Variants in ADAMTSL1 observed in about 807,000 individuals in gnomAD.
The protein encoded by ADAMTSL1 is ADAMTS-like protein 1.
ADAMTSL1 carries 126 observed loss-of-function variants against 201.8 expected under a neutral mutation model. That is an observed-to-expected ratio of 0.62 (90% CI 0.54 to 0.72). ADAMTSL1 has a LOEUF of 0.72. Ranked by LOEUF, ADAMTSL1 falls within the 30% of genes least tolerant of loss-of-function variation. The probability of loss-of-function intolerance (pLI) is 0.00; values close to 1 mark genes in which losing one functional copy is unlikely to be tolerated. For missense variants in ADAMTSL1, 2,679 were observed against 2,277.8 expected, an observed-to-expected ratio of 1.18 and a Z score of -3.59; for synonymous variants, 1,121 against 903.4, an observed-to-expected ratio of 1.24 and a Z score of -4.32.
At chr9:18,009,882 C>T (rs1373779738) in intron 1 of ADAMTSL1, among the ~76,000 whole-genome samples, 1 of 151,976 alleles carries the variant, frequency 6.6e-6, no homozygotes, top group African/African-American at 2.4e-5. Context: ...CACAAACATG[C>T]CAATTTTCTT....
chr9:18,606,922 A>G (rs1277001021), intron 4 of ADAMTSL1, among the ~76,000 whole-genome samples: 1 of 152,178 alleles, frequency 6.6e-6, no homozygotes. Flanking sequence ...CAACTGAGAT[A>G]CAACCTCCAT....
intron 2 of ADAMTSL1, chr9:18,360,602 T>C (rs1359785945): frequency 1.3e-5 from 2 of 152,168 alleles, no homozygotes; most frequent in African/African-American, 4.8e-5. Context: ...GGGGAGGCTG[T>C]TACTGGTTAT....
chr9:18,168,660 C>T lies in ADAMTSL1; in HGVS notation c.207+4679C>T, dbSNP rs1028823075. On this transcript the variant is annotated intron_variant, in intron 2 of 29. Transcript: ENST00000680146. ...ATACCCAGTAATGGGATGGCTGGGTCAAATGGTATTTCTAGTTCTAGATCC... is the reference window on the plus strand; with the variant it reads ...ATACCCAGTAATGGGATGGCTGGGTTAAATGGTATTTCTAGTTCTAGATCC... Among the ~76,000 whole-genome samples the T allele has an allele frequency of 4.2e-4, 62 of 149,200 alleles. 1 individual carries two copies. Among genetic ancestry groups the T allele is most frequent in the Non-Finnish European group, 8.9e-5 (6 of 67,060 alleles).
chr9:18,841,034 C>G (rs926917515), intron 23 of ADAMTSL1, among the ~76,000 whole-genome samples: 1 of 145,714 alleles, frequency 6.9e-6, no homozygotes, highest in Admixed American at 6.9e-5. Flanking sequence ...TTATTTCCTT[C>G]TCCTGCCGAA....
chr9:18,084,098 C>G (rs1483332799), intron 1 of ADAMTSL1, among the ~76,000 whole-genome samples: 1 of 152,204 alleles, frequency 6.6e-6, no homozygotes, highest in East Asian at 1.9e-4. Flanking sequence ...CCCTACCTCC[C>G]AAACAAATTC....
intron 4 of ADAMTSL1, among the ~76,000 whole-genome samples, chr9:18,596,235 T>G (rs894610108): frequency 6.6e-6 from 1 of 152,192 alleles, no homozygotes; most frequent in Non-Finnish European, 1.5e-5. Flanking sequence ...TGTTATACCA[T>G]CATGTCTTTA....
At position 18,776,961 on chromosome 9, in the gene ADAMTSL1, G is replaced by T; in HGVS notation, c.2732G>T (p.Trp911Leu). 1 of 1,598,450 alleles carries T rather than the reference G, an allele frequency of 6.3e-7. No homozygotes were observed. Among genetic ancestry groups the T allele is most frequent in the Non-Finnish European group, 8.5e-7 (1 of 1,171,034 alleles). ...ARRVRKPLIT[W>L]EKDGQHLISS... ...AGGGTCCGCAAGCCCCTCATCACCT[G>T]GGAGAAGGACGGCCAGCACCTCATC... Residue 911 changes from tryptophan to leucine, a missense_variant, in exon 19 of 29, where the codon TGG becomes TTG. Transcript: ENST00000380548.
At chr9:18,317,256 A>C (rs915384281) in intron 2 of ADAMTSL1, among the ~76,000 whole-genome samples, 3 of 152,116 alleles carry the variant, frequency 2.0e-5, no homozygotes, top group Non-Finnish European at 2.9e-5. Context: ...AAAAGGGTAG[A>C]TGTTGGTCAA....
At chr9:17,997,568 T>C (rs1169093865) in intron 1 of ADAMTSL1, among the ~76,000 whole-genome samples, 1 of 152,090 alleles carries the variant, frequency 6.6e-6, no homozygotes, top group African/African-American at 2.4e-5. Flanking sequence ...CAAATATCTA[T>C]GTGAAAATAA....
In ADAMTSL1 at chr9:18,605,467, C is replaced by G. The variant is rs144417650; in HGVS notation, c.475-16776C>G. Among the ~76,000 whole-genome samples the G allele has an allele frequency of 4.3e-3, 656 of 152,282 alleles. 2 individuals are homozygous for G. Among genetic ancestry groups the G allele is most frequent in the African/African-American group, 0.015 (640 of 41,552 alleles). ...GGTGGAACTATCAGAAAAACACTTG[C>G]TTCAGGCATGCAATCTTGACAGTCT... On this transcript the variant is annotated intron_variant, in intron 4 of 28. Coordinates refer to ENST00000380548, the MANE Select transcript of ADAMTSL1 (RefSeq NM_001040272.6).
intron 1 of ADAMTSL1, among the ~76,000 whole-genome samples, chr9:18,125,812 A>G (rs1008618583): frequency 3.9e-5 from 6 of 152,116 alleles, no homozygotes; most frequent in Non-Finnish European, 7.4e-5. Context: ...AGATTTGCTC[A>G]TTTTTCTGCT....
At chr9:18,029,290 A>G (rs971006439) in intron 1 of ADAMTSL1, among the ~76,000 whole-genome samples, 4 of 152,038 alleles carry the variant, frequency 2.6e-5, no homozygotes, top group African/African-American at 9.7e-5. Flanking sequence ...GAACAAAGCC[A>G]TAGGGAAAGG....
At chr9:18,577,522 C>G (rs116944389) in intron 4 of ADAMTSL1, among the ~76,000 whole-genome samples, 153 of 152,214 alleles carry the variant, frequency 1.0e-3, no homozygotes, top group Non-Finnish European at 1.8e-3. Flanking sequence ...GAATCTAGCT[C>G]CTCTTTAACG....
chr9:18,287,593 A>G (rs1416283049), intron 2 of ADAMTSL1, among the ~76,000 whole-genome samples: 1 of 75,080 alleles, frequency 1.3e-5, no homozygotes, highest in South Asian at 5.1e-4. Flanking sequence ...GTGTATATAT[A>G]CACACATATA....
rs56662538 is a variant in ADAMTSL1, at chr9:18,655,806, T to TAAAAAAAAA, written c.835-1810_835-1802dup. 7.7e-3 allele frequency among the ~76,000 whole-genome samples: 626 copies of TAAAAAAAAA among 81,820 alleles called. 57 individuals are homozygous for TAAAAAAAAA. The highest frequency in any genetic ancestry group is 0.037 in the African/African-American group (551 of 15,094). The allele number at this position is 81,820 out of a possible 152,430, so 53.7% of individuals were successfully genotyped here. A position where few individuals can be genotyped will look rare whatever the true frequency, so the allele number is the denominator to read the frequency against. On this transcript the variant is annotated intron_variant, in intron 7 of 28. Transcript: ENST00000380548. ...AGAGAGCTAGAGGCTTTTGTGAGCT[T>TAAAAAAAAA]AAAAAAAAAAAAAAAAAAAAAAAAA...
intron 26 of ADAMTSL1, among the ~76,000 whole-genome samples, chr9:18,899,278 C>G (rs770420154): frequency 1.3e-5 from 2 of 152,144 alleles, no homozygotes; most frequent in Non-Finnish European, 2.9e-5. Flanking sequence ...CTACAAACCA[C>G]TGCTCGAGGA....
At chr9:18,536,796 G>C (rs193112059) in intron 3 of ADAMTSL1, among the ~76,000 whole-genome samples, 1 of 152,272 alleles carries the variant, frequency 6.6e-6, no homozygotes, top group East Asian at 1.9e-4. Flanking sequence ...TTCACCACAA[G>C]ACTAAGTGAA....
Position 18,547,593 on chromosome 9 carries a change from G to A in ADAMTSL1, c.237+14301G>A, listed in dbSNP as rs142067644. ...TAGAAAACTTGATGTCAGGAGTTTC[G>A]AGGAGGCTCTCTGTTGTGAAGAGCG... On this transcript the variant is annotated intron_variant, in intron 3 of 28. Transcript: ENST00000380548. Among the ~76,000 whole-genome samples, 156 of 142,656 alleles carry A rather than the reference G, an allele frequency of 1.1e-3. 1 individual carries two copies. In the South Asian group the frequency reaches 0.026, roughly 24 times the overall value. The allele number at this position is 142,656 out of a possible 152,430, so 93.6% of individuals were successfully genotyped here.
intron 2 of ADAMTSL1, among the ~76,000 whole-genome samples, chr9:18,176,456 A>C (rs577103929): frequency 6.6e-6 from 1 of 152,328 alleles, no homozygotes; most frequent in African/African-American, 2.4e-5. Flanking sequence ...CTATCATGAT[A>C]GTAACTGTCA....
Sources: allele counts gnomAD v4.1 joint callset (sites outside exome capture counted in the v4.1 genomes callset), GRCh38; gene constraint gnomAD v4.1.1; transcripts MANE v1.5; gene names NCBI Gene and HGNC (gene_info 2026-07-23, HGNC 2026-07-21).